The following LDLRAD4 variants were observed in gnomAD, a reference collection of about 807,000 sequenced individuals.
LDLRAD4 encodes low-density lipoprotein receptor class A domain-containing protein 4.
Under a neutral mutation model 17.0 loss-of-function variants are expected in LDLRAD4, and 5 were observed. The observed-to-expected ratio is 0.29, with a 90% confidence interval of 0.15 to 0.62. The LOEUF (loss-of-function observed/expected upper bound fraction) is 0.62. Ranked by LOEUF, LDLRAD4 falls within the 20% of genes least tolerant of loss-of-function variation. LDLRAD4 has a pLI of 0.84. For missense variants in LDLRAD4, 340 were observed against 424.7 expected, an observed-to-expected ratio of 0.80 and a Z score of 1.75; for synonymous variants, 168 against 171.8, an observed-to-expected ratio of 0.98 and a Z score of 0.17.
At chr18:13,549,798 T>G (rs1395260526) in intron 3 of LDLRAD4, among the ~76,000 whole-genome samples, 2 of 152,174 alleles carry the variant, frequency 1.3e-5, no homozygotes, top group Non-Finnish European at 2.9e-5. Context: ...TTGGTTGTCT[T>G]GCTTCCTTGT....
intron 3 of LDLRAD4, among the ~76,000 whole-genome samples, chr18:13,583,991 C>T (rs923991211): frequency 2.6e-5 from 4 of 152,094 alleles, no homozygotes; most frequent in African/African-American, 9.7e-5. Context: ...GCCTGGCTTC[C>T]CTTGAGGACC....
chr18:13,602,156 A>C (rs1456072891), intron 3 of LDLRAD4, among the ~76,000 whole-genome samples: 1 of 152,222 alleles, frequency 6.6e-6, no homozygotes. Context: ...TGGGGACTCC[A>C]AAAGGAAGGA....
At chr18:13,649,270 T>C (rs1228616894) in exon 6 of LDLRAD4, 6 of 152,246 alleles carry the variant, frequency 3.9e-5, no homozygotes, top group Non-Finnish European at 8.8e-5. Flanking sequence ...CTTTCACCTT[T>C]ATTTCATCTT....
rs774408198 is a variant in LDLRAD4 at position 13,440,092 on chromosome 18, C to T, written c.181+1708C>T. 1.3e-5 allele frequency among the ~76,000 whole-genome samples: 2 copies of T among 152,158 alleles called. No individual in the cohort carries two copies. Among genetic ancestry groups the T allele is most frequent in the Non-Finnish European group, 2.9e-5 (2 of 68,036 alleles). On this transcript the variant is annotated intron_variant, in intron 3 of 5. Transcript: ENST00000359446. This position sits in a 1 kb window ranked among gnomAD's most constrained non-coding sequence, Gnocchi z 4.4. ...GACTTGACTAACAGCAGACACACCA[C>T]GGTAAGCTGTGTAGAGAATATCAGG... is the stretch of plus-strand genomic sequence containing the variant.
intron 1 of LDLRAD4, among the ~76,000 whole-genome samples, chr18:13,297,017 G>T (rs552331416): frequency 6.6e-6 from 1 of 151,578 alleles, no homozygotes; most frequent in Admixed American, 6.6e-5. Context: ...TTCCTTCCCC[G>T]CCAGCGGGTT....
At chr18:13,508,764 A>G (rs138680977) in intron 3 of LDLRAD4, among the ~76,000 whole-genome samples, 49 of 152,324 alleles carry the variant, frequency 3.2e-4, no homozygotes, top group Non-Finnish European at 3.7e-4. Flanking sequence ...TCTGATAGAG[A>G]CCTACAGAGA....
At chr18:13,593,646 T>C (rs979033393) in intron 3 of LDLRAD4, among the ~76,000 whole-genome samples, 1 of 152,218 alleles carries the variant, frequency 6.6e-6, no homozygotes, top group East Asian at 1.9e-4. Context: ...AGCTATGAGA[T>C]AGGGGCTTGC....
chr18:13,420,482 C>T (rs2089340496), intron 2 of LDLRAD4: 1 of 152,252 alleles, frequency 6.6e-6, no homozygotes, highest in Admixed American at 6.5e-5. Context: ...TCTGCCAAGC[C>T]CCACTCTGAG....
At position 13,236,733 on chromosome 18, in the gene LDLRAD4, T is replaced by C. The variant is rs151047775; in HGVS notation, c.-467+17745T>C. Reference sequence around the variant, plus strand: ...GAGGGTTTCTGAGCTGCTGTTGGAGTGGGGGTGTCTCCTGCACCTGGTGTT... The same window carrying C: ...GAGGGTTTCTGAGCTGCTGTTGGAGCGGGGGTGTCTCCTGCACCTGGTGTT... On this transcript the variant is annotated intron_variant, in intron 1 of 5. Coordinates refer to the LDLRAD4 transcript ENST00000399848. Among the ~76,000 whole-genome samples, 556 of 152,042 alleles carry C rather than the reference T, an allele frequency of 3.7e-3. 6 individuals carry two copies. Among genetic ancestry groups the C allele is most frequent in the African/African-American group, 0.011 (476 of 41,454 alleles).
chr18:13,622,383 AC>A lies in LDLRAD4; in HGVS notation c.336+1114del, dbSNP rs1292872792. The stretch of plus-strand genomic sequence containing the variant: ...GGGTGCTACCGAGTGCTATCTTCAG[AC>A]CATGGTGAGGGCTAGACGGGGCAGC... On this transcript the variant is annotated intron_variant, in intron 4 of 5. Transcript: ENST00000359446. This position sits in a 1 kb window ranked among gnomAD's most constrained non-coding sequence, Gnocchi z 5.3. Among the ~76,000 whole-genome samples, 3 of 152,156 alleles carry A rather than the reference AC, an allele frequency of 2.0e-5. No homozygotes were observed. The highest frequency in any genetic ancestry group is 2.9e-5 in the Non-Finnish European group (2 of 68,000).
At chr18:13,321,908 GA>G (rs61193060) in intron 1 of LDLRAD4, among the ~76,000 whole-genome samples, 28,781 of 92,238 alleles carry the variant, frequency 0.31, 6,269 homozygotes, top group African/African-American at 0.42. Flanking sequence ...AAAAAGAAAA[GA>G]AAAAGAATAA....
intron 1 of LDLRAD4, among the ~76,000 whole-genome samples, chr18:13,354,315 T>C (rs748605557): frequency 9.2e-5 from 14 of 152,240 alleles, no homozygotes; most frequent in Non-Finnish European, 1.8e-4. Context: ...ATTTATCATA[T>C]GGAAGTTCTT....
intron 1 of LDLRAD4, among the ~76,000 whole-genome samples, chr18:13,266,125 T>A (rs2044201994): frequency 6.6e-6 from 1 of 152,190 alleles, no homozygotes. Flanking sequence ...AATGGCGGGC[T>A]CCTTGACACG....
intron 3 of LDLRAD4, among the ~76,000 whole-genome samples, chr18:13,507,538 C>T (rs1041336455): frequency 3.3e-5 from 5 of 152,198 alleles, no homozygotes; most frequent in African/African-American, 9.7e-5. Context: ...TGTATATCTA[C>T]CACATTTTCT....
chr18:13,485,154 T>C (rs540564171), intron 3 of LDLRAD4, among the ~76,000 whole-genome samples: 1 of 152,358 alleles, frequency 6.6e-6, no homozygotes, highest in African/African-American at 2.4e-5. Flanking sequence ...CTGCCTTCCC[T>C]CGGTGGACCT....
intron 4 of LDLRAD4, among the ~76,000 whole-genome samples, chr18:13,638,567 G>C (rs2042266418): frequency 6.6e-6 from 1 of 152,190 alleles, no homozygotes; most frequent in Non-Finnish European, 1.5e-5. Flanking sequence ...CCCAGAGCAG[G>C]TGCCCTCTCG....
chr18:13,236,883 C>T (rs2086356669), intron 1 of LDLRAD4, among the ~76,000 whole-genome samples: 1 of 152,208 alleles, frequency 6.6e-6, no homozygotes, highest in East Asian at 1.9e-4. Flanking sequence ...TCCCTCCCTC[C>T]CTAGTCTTGC....
At chr18:13,410,733 A>G (rs1305655956) in intron 2 of LDLRAD4, among the ~76,000 whole-genome samples, 1 of 152,226 alleles carries the variant, frequency 6.6e-6, no homozygotes, top group Non-Finnish European at 1.5e-5. Flanking sequence ...ATCAGGTTAG[A>G]TGCTGGCAGG....
chr18:13,532,165 G>C (rs1470850261), intron 3 of LDLRAD4, among the ~76,000 whole-genome samples: 2 of 152,214 alleles, frequency 1.3e-5, no homozygotes, highest in African/African-American at 2.4e-5. Flanking sequence ...GGCTGTTAAA[G>C]TCACCCGGAG....
Sources: allele counts gnomAD v4.1 joint callset (sites outside exome capture counted in the v4.1 genomes callset), GRCh38; gene constraint gnomAD v4.1.1; non-coding constraint Gnocchi (gnomAD v3.1); transcripts MANE v1.5; gene names NCBI Gene and HGNC (gene_info 2026-07-23, HGNC 2026-07-21).